Variants in ATF7IP observed in about 807,000 individuals in gnomAD.
The protein encoded by ATF7IP is activating transcription factor 7-interacting protein 1.
In ATF7IP, 23 loss-of-function variants were observed where a neutral mutation model predicts 106.4. The observed-to-expected ratio is 0.22, with a 90% CI of 0.16 to 0.31. The LOEUF is 0.31. Among genes scored for constraint, ATF7IP ranks in the 10% least tolerant of loss-of-function variants. ATF7IP has a pLI of 1.00. For missense variants in ATF7IP, 1,334 were observed against 1,524.3 expected (o/e 0.88, Z 2.08); for synonymous variants, 542 against 539.0 (o/e 1.01, Z -0.08).
At chr12:14,425,900 A>G (rs567165724) in intron 2 of ATF7IP, among the ~76,000 whole-genome samples, 4 of 152,330 alleles carry the variant, frequency 2.6e-5, no homozygotes, top group South Asian at 2.1e-4. Flanking sequence ...AATATTCCCA[A>G]TGAAATCCTG....
intron 12 of ATF7IP, among the ~76,000 whole-genome samples, chr12:14,478,687 T>G (rs973844782): frequency 6.6e-6 from 1 of 152,180 alleles, no homozygotes; most frequent in African/African-American, 2.4e-5. Context: ...AAGTATATAT[T>G]TATTTACTTA....
rs189216417 is a variant in ATF7IP at position 14,502,875 on chromosome 12, G to A, written c.*4802G>A. 3 of 152,202 alleles carry A rather than the reference G, an allele frequency of 2.0e-5. No homozygotes were observed. The East Asian group carries it at 5.8e-4, about 29-fold the overall frequency. The allele number at this position is 152,202 out of a possible 1,614,324, so 9.4% of individuals were successfully genotyped here. ...CTGTATAAGTGTTACCTGTAGTGGGGTTTTGTCCAGCAAGCCTGAAATTTA... is the reference window on the plus strand; with the variant it reads ...CTGTATAAGTGTTACCTGTAGTGGGATTTTGTCCAGCAAGCCTGAAATTTA... On this transcript the variant is annotated 3_prime_UTR_variant, in exon 15 of 15. Coordinates refer to ENST00000261168, the MANE Select transcript of ATF7IP (RefSeq NM_018179.5).
At chr12:14,447,362 A>G (rs1943021993) in intron 6 of ATF7IP, among the ~76,000 whole-genome samples, 1 of 145,784 alleles carries the variant, frequency 6.9e-6, no homozygotes, top group African/African-American at 2.6e-5. Flanking sequence ...GTTCACTGCA[A>G]CCTCTGCCTC....
rs1272462776 is a variant in ATF7IP at position 14,501,165 on chromosome 12, T to C, written c.*3092T>C. The stretch of plus-strand genomic sequence containing the variant: ...TAGCTACTGATAACAGACTTTCTAG[T>C]AGCAGTTTCCACTCCACGGTTACCT... On this transcript the variant is annotated 3_prime_UTR_variant, in exon 15 of 15. Coordinates refer to ENST00000261168, the MANE Select transcript of ATF7IP (RefSeq NM_018179.5). The C allele has an allele frequency of 6.6e-6, 1 of 152,216 alleles. No homozygotes were observed. The highest frequency in any genetic ancestry group is 1.5e-5 in the Non-Finnish European group (1 of 68,034). The allele number at this position is 152,216 out of a possible 1,614,324, so 9.4% of individuals were successfully genotyped here.
chr12:14,413,737 GTTTC>G (rs1941053541), intron 1 of ATF7IP, among the ~76,000 whole-genome samples: 1 of 151,966 alleles, frequency 6.6e-6, no homozygotes, highest in African/African-American at 2.4e-5. Context: ...ATAAGCATCA[GTTTC>G]TTTTTCTCCT....
rs1218132734 is a variant in ATF7IP at position 14,438,113 on chromosome 12, A to C, written c.1792-17A>C. The stretch of plus-strand genomic sequence containing the variant: ...GAATGCCTTCTTGGCATAATGAAGG[A>C]ATATTTGTTTCTTTAGGTTATACAG... On this transcript the variant is annotated splice_polypyrimidine_tract_variant and intron_variant, in intron 4 of 14. Coordinates refer to ENST00000261168, the MANE Select transcript of ATF7IP (RefSeq NM_018179.5). The C allele has an allele frequency of 6.2e-7, 1 of 1,604,962 alleles. No homozygotes were observed. Among genetic ancestry groups the C allele is most frequent in the Non-Finnish European group, 8.5e-7 (1 of 1,176,188 alleles).
intron 13 of ATF7IP, among the ~76,000 whole-genome samples, chr12:14,482,889 C>A (rs1187749960): frequency 6.6e-6 from 1 of 152,174 alleles, no homozygotes; most frequent in Non-Finnish European, 1.5e-5. Flanking sequence ...CAACCGGAAA[C>A]ACACCAATCC....
chr12:14,410,085 C>T (rs1294645926), intron 1 of ATF7IP, among the ~76,000 whole-genome samples: 1 of 152,066 alleles, frequency 6.6e-6, no homozygotes, highest in East Asian at 1.9e-4. Context: ...GTTATTTCCT[C>T]CCAGGCCTCC....
At chr12:14,387,864 A>G (rs752390712) in intron 1 of ATF7IP, among the ~76,000 whole-genome samples, 5 of 152,060 alleles carry the variant, frequency 3.3e-5, no homozygotes, top group African/African-American at 7.2e-5. Context: ...ACCCTTTTTC[A>G]TGAACAATTT....
intron 1 of ATF7IP, among the ~76,000 whole-genome samples, chr12:14,423,574 C>CTTTTTTTTTTTTTTTTTTTTTTTTTATT: frequency 2.9e-5 from 1 of 34,428 alleles, no homozygotes; most frequent in Non-Finnish European, 5.3e-5. Flanking sequence ...TCTTCAGGTA[C>CTTTTTTTTTTTTTTTTTTTTTTTTTATT]TTTTTTTTTT....
At chr12:14,385,460 A>G in intron 1 of ATF7IP, 1 of 1,463,526 alleles carries the variant, frequency 6.8e-7, no homozygotes, top group South Asian at 1.2e-5. Flanking sequence ...TTAAAAAGGA[A>G]TTTAACTGAG....
At chr12:14,443,514 A>G (rs1484780070) in intron 5 of ATF7IP, among the ~76,000 whole-genome samples, 2 of 152,254 alleles carry the variant, frequency 1.3e-5, no homozygotes, top group Non-Finnish European at 2.9e-5. Flanking sequence ...ATCTCAGTAC[A>G]TGCCAAATCA....
At chr12:14,407,467 T>C (rs1356652854) in intron 1 of ATF7IP, among the ~76,000 whole-genome samples, 1 of 152,168 alleles carries the variant, frequency 6.6e-6, no homozygotes, top group Admixed American at 6.5e-5. Flanking sequence ...CATGATGTTA[T>C]ATTAGACTAT....
intron 10 of ATF7IP, among the ~76,000 whole-genome samples, chr12:14,471,231 C>T (rs1236130560): frequency 6.6e-6 from 1 of 152,132 alleles, no homozygotes; most frequent in Non-Finnish European, 1.5e-5. Flanking sequence ...TGTACCATTA[C>T]ACTTGAAAAG....
In ATF7IP at chr12:14,401,714, C is replaced by CTTT. The variant is rs3083699; in HGVS notation, c.-7-22176_-7-22174dup. On this transcript the variant is annotated intron_variant, in intron 1 of 14. Coordinates refer to ENST00000261168, the MANE Select transcript of ATF7IP (RefSeq NM_018179.5). Reference sequence around the variant, plus strand: ...AGCATTGTTTCACTTAGAGATTAAGCTTTTTTTTTTTTTTTTTTTTTGATA... The same window carrying CTTT: ...AGCATTGTTTCACTTAGAGATTAAGCTTTTTTTTTTTTTTTTTTTTTTTTGATA... 1.0e-3 allele frequency among the ~76,000 whole-genome samples: 80 copies of CTTT among 76,884 alleles called. 3 individuals carry two copies. The highest frequency in any genetic ancestry group is 1.6e-3 in the South Asian group (3 of 1,930). The allele number at this position is 76,884 out of a possible 152,430, so 50.4% of individuals were successfully genotyped here. A position where few individuals can be genotyped will look rare whatever the true frequency, so the allele number is the denominator to read the frequency against.
At chr12:14,433,520 A>G (rs1362525345) in intron 2 of ATF7IP, among the ~76,000 whole-genome samples, 1 of 151,814 alleles carries the variant, frequency 6.6e-6, no homozygotes, top group Non-Finnish European at 1.5e-5. Flanking sequence ...AAACAAACAA[A>G]TTAGCCGGAT....
intron 9 of ATF7IP, among the ~76,000 whole-genome samples, chr12:14,462,377 C>G (rs1424356818): frequency 2.0e-5 from 3 of 151,714 alleles, no homozygotes; most frequent in South Asian, 2.1e-4. Flanking sequence ...ACTTCTTTTT[C>G]TTTTAGTTCT....
rs548413355 is a variant in ATF7IP at position 14,377,948 on chromosome 12, T to C, written c.-8+12121T>C. Among the ~76,000 whole-genome samples, 8 of 152,036 alleles carry C rather than the reference T, an allele frequency of 5.3e-5. No homozygotes were observed. In the East Asian group the frequency reaches 1.6e-3, roughly 30 times the overall value. On this transcript the variant is annotated intron_variant, in intron 1 of 14. Coordinates refer to ENST00000261168, the MANE Select transcript of ATF7IP (RefSeq NM_018179.5). ...TGGTCTGACTTACCCAATTTTATCC[T>C]GGTAGGCAGGAGAACAGATTCTTAT... is the stretch of plus-strand genomic sequence containing the variant.
intron 1 of ATF7IP, among the ~76,000 whole-genome samples, chr12:14,423,475 G>A (rs1427135131): frequency 6.9e-6 from 1 of 144,324 alleles, no homozygotes; most frequent in Non-Finnish European, 1.5e-5. Context: ...TTCCTTACAT[G>A]TTTCTTAATT....
Sources: gnomAD v4.1 joint callset for allele counts (sites outside exome capture counted in the v4.1 genomes callset) on GRCh38, gnomAD v4.1.1 for gene constraint, MANE v1.5 for transcripts, NCBI Gene and HGNC (gene_info 2026-07-23, HGNC 2026-07-21) for gene names.